The following CADM2 variants were observed in gnomAD, a reference collection of about 807,000 sequenced individuals.
CADM2 encodes the protein cell adhesion molecule 2.
In CADM2, 12 loss-of-function variants were observed where a neutral mutation model predicts 49.8. That is an observed-to-expected ratio of 0.24 (90% CI 0.15 to 0.39). The LOEUF is 0.39. CADM2 is among the 10% of genes least tolerant of loss of function. CADM2 has a pLI of 1.00. For synonymous variants in CADM2, 214 were observed against 175.4 expected (o/e 1.22, Z -1.74); for missense variants, 378 against 492.3 (o/e 0.77, Z 2.20).
At chr3:85,773,003 C>T (rs1230629371) in intron 2 of CADM2, among the ~76,000 whole-genome samples, 1 of 151,666 alleles carries the variant, frequency 6.6e-6, no homozygotes, top group African/African-American at 2.4e-5. Context: ...AAGCTAGCTC[C>T]TATAACAGAT....
At chr3:85,285,032 C>A (rs770649123) in intron 1 of CADM2, among the ~76,000 whole-genome samples, 5 of 152,018 alleles carry the variant, frequency 3.3e-5, no homozygotes, top group Non-Finnish European at 7.4e-5. Context: ...CAGTAAAATT[C>A]TGGATGTATT....
At chr3:85,213,692 C>G (rs2041857090) in intron 1 of CADM2, among the ~76,000 whole-genome samples, 1 of 152,126 alleles carries the variant, frequency 6.6e-6, no homozygotes, top group Non-Finnish European at 1.5e-5. Context: ...CCTGTTAAGG[C>G]TAGTAACTCT....
At chr3:85,830,861 CA>C (rs35679342) in intron 3 of CADM2, among the ~76,000 whole-genome samples, 29,914 of 149,030 alleles carry the variant, frequency 0.2, 3,600 homozygotes, top group East Asian at 0.41. Flanking sequence ...ATTACAGGCC[CA>C]GGGGGTACAT....
chr3:85,949,583 C>G (rs1356414501), intron 7 of CADM2, among the ~76,000 whole-genome samples: 1 of 151,162 alleles, frequency 6.6e-6, no homozygotes, highest in Non-Finnish European at 1.5e-5. Flanking sequence ...ATGATTACAT[C>G]TAAATGATTT....
rs147404468 is a variant in CADM2 at position 85,243,082 on chromosome 3, C to T, written c.61+283414C>T. Among the ~76,000 whole-genome samples the T allele has an allele frequency of 1.1e-3, 172 of 151,806 alleles. 4 individuals carry two copies. In the East Asian group the frequency reaches 0.032, roughly 28 times the overall value. ...CAGAAAGAAGAATAGATGTGCACCA[C>T]AAATTCCAAATGAGAATGTAATTAA... On this transcript the variant is annotated intron_variant, in intron 1 of 9. Coordinates refer to ENST00000383699, the MANE Select transcript of CADM2 (RefSeq NM_001167675.2).
intron 2 of CADM2, among the ~76,000 whole-genome samples, chr3:85,765,643 AT>A (rs2069619061): frequency 6.6e-6 from 1 of 151,940 alleles, no homozygotes; most frequent in South Asian, 2.1e-4. Flanking sequence ...ATTCAATCAC[AT>A]TTTTAATTTC....
intron 1 of CADM2, among the ~76,000 whole-genome samples, chr3:85,299,899 T>A (rs1323402504): frequency 4.6e-5 from 7 of 152,058 alleles, no homozygotes; most frequent in Admixed American, 4.6e-4. Flanking sequence ...TAAAAGTATT[T>A]TTTTTCTTTT....
At chr3:85,548,707 T>C (rs1311272739) in intron 1 of CADM2, among the ~76,000 whole-genome samples, 1 of 152,186 alleles carries the variant, frequency 6.6e-6, no homozygotes, top group Non-Finnish European at 1.5e-5. Flanking sequence ...ATAGTATTTT[T>C]TCCTCCTTTT....
At position 85,438,117 on chromosome 3, in the gene CADM2, A is replaced by T. The variant is rs192245017; in HGVS notation, c.62-288405A>T. On this transcript the variant is annotated intron_variant, in intron 1 of 9. Transcript: ENST00000383699. ...GAATACAGAAAATAGATAACTTTGA[A>T]TTCTTATTTATTTATTGCTTACTAT... is the stretch of plus-strand genomic sequence containing the variant. Among the ~76,000 whole-genome samples, 367 of 152,170 alleles carry T rather than the reference A, an allele frequency of 2.4e-3. 2 individuals are homozygous for T. Among genetic ancestry groups the T allele is most frequent in the African/African-American group, 8.4e-3 (351 of 41,546 alleles).
intron 1 of CADM2, among the ~76,000 whole-genome samples, chr3:85,283,114 A>T (rs896624265): frequency 1.1e-4 from 16 of 152,066 alleles, no homozygotes; most frequent in African/African-American, 3.4e-4. Context: ...GGCAAGTTCA[A>T]TTTTATATTC....
At chr3:85,985,647 C>T (rs1472329487) in intron 8 of CADM2, among the ~76,000 whole-genome samples, 1 of 151,936 alleles carries the variant, frequency 6.6e-6, no homozygotes, top group Non-Finnish European at 1.5e-5. Context: ...CATCAGAAAA[C>T]TTAATTCTTT....
intron 8 of CADM2, among the ~76,000 whole-genome samples, chr3:86,022,520 G>A (rs1161206638): frequency 1.3e-5 from 2 of 152,072 alleles, no homozygotes; most frequent in Non-Finnish European, 2.9e-5. Context: ...TGACACAAAA[G>A]CTTAAACTTG....
chr3:85,215,483 C>T (rs2041902707), intron 1 of CADM2, among the ~76,000 whole-genome samples: 1 of 151,798 alleles, frequency 6.6e-6, no homozygotes, highest in Admixed American at 6.6e-5. Context: ...TCTCTCCTCT[C>T]CTCTCCTCAA....
At chr3:85,668,313 A>G (rs1278867550) in intron 1 of CADM2, among the ~76,000 whole-genome samples, 1 of 143,004 alleles carries the variant, frequency 7.0e-6, no homozygotes, top group East Asian at 2.1e-4. Context: ...AAAAAAAAAA[A>G]GCAAACAAAA....
Position 85,365,183 on chromosome 3 carries a change from T to G in CADM2, c.62-361339T>G, listed in dbSNP as rs189561934. Reference sequence around the variant, plus strand: ...CTTGGTGGGTCAAGAATTGGGAGGGTTTTTTTTTTTTTTTACTTTTTTTTT... The same window carrying G: ...CTTGGTGGGTCAAGAATTGGGAGGGGTTTTTTTTTTTTTTACTTTTTTTTT... On this transcript the variant is annotated intron_variant, in intron 1 of 9. Coordinates refer to ENST00000383699, the MANE Select transcript of CADM2 (RefSeq NM_001167675.2). Among the ~76,000 whole-genome samples the G allele has an allele frequency of 9.6e-5, 6 of 62,414 alleles. No homozygotes were observed. The East Asian group carries it at 1.7e-3, about 17-fold the overall frequency. The allele number at this position is 62,414 out of a possible 152,430, so 40.9% of individuals were successfully genotyped here. A position where few individuals can be genotyped will look rare whatever the true frequency, so the allele number is the denominator to read the frequency against.
chr3:85,894,725 C>A (rs1422160858), intron 5 of CADM2, among the ~76,000 whole-genome samples: 1 of 152,180 alleles, frequency 6.6e-6, no homozygotes, highest in Non-Finnish European at 1.5e-5. Context: ...GACATGTTGC[C>A]TTGCACCCAG....
At chr3:85,542,631 A>G (rs1351855032) in intron 1 of CADM2, among the ~76,000 whole-genome samples, 3 of 152,200 alleles carry the variant, frequency 2.0e-5, no homozygotes, top group Non-Finnish European at 2.9e-5. Flanking sequence ...TGTTAAGCTT[A>G]CATATAAATA....
At chr3:85,559,379 C>G (rs2062034690) in intron 1 of CADM2, among the ~76,000 whole-genome samples, 1 of 151,968 alleles carries the variant, frequency 6.6e-6, no homozygotes, top group Non-Finnish European at 1.5e-5. Flanking sequence ...ATTTCCTATT[C>G]AATATCTTAA....
At chr3:85,983,189 A>T (rs7640041) in intron 8 of CADM2, among the ~76,000 whole-genome samples, 105,406 of 151,510 alleles carry the variant, frequency 0.7, 38,331 homozygotes, top group African/African-American at 0.92. Flanking sequence ...CACTGGATTG[A>T]CAGTGTCATA....
Sources: allele counts gnomAD v4.1 joint callset (sites outside exome capture counted in the v4.1 genomes callset), GRCh38; gene constraint gnomAD v4.1.1; transcripts MANE v1.5; gene names NCBI Gene and HGNC (gene_info 2026-07-23, HGNC 2026-07-21).